Variants in RLN2 observed in about 807,000 individuals in gnomAD.
RLN2 encodes prorelaxin H2.
RLN2 carries 10 observed loss-of-function variants against 7.3 expected under a neutral mutation model. The observed-to-expected ratio is 1.36, with a 90% CI of 0.84 to 2.31. The LOEUF (loss-of-function observed/expected upper bound fraction) is 2.31. Ranked by LOEUF, RLN2 falls within the 30% of genes most tolerant of loss-of-function variation. RLN2 has a pLI of 0.00. For missense variants in RLN2, 298 were observed against 217.6 expected (o/e 1.37, Z -2.32); for synonymous variants, 103 against 82.3 (o/e 1.25, Z -1.36).
chr9:5,314,627 G>A, the RLN2 span, among the ~76,000 whole-genome samples: 3 of 151,994 alleles, frequency 2.0e-5, no homozygotes, highest in Non-Finnish European at 4.4e-5. Context: ...GTAGTACCCT[G>A]CTTTCCTGGA....
At chr9:5,312,226 A>T in the RLN2 span, among the ~76,000 whole-genome samples, 9 of 151,980 alleles carry the variant, frequency 5.9e-5, 1 homozygote, top group African/African-American at 2.2e-4. Flanking sequence ...GTGGTATGGA[A>T]AAACAAATTC....
chr9:5,314,979 C>A, the RLN2 span, among the ~76,000 whole-genome samples: 1 of 152,010 alleles, frequency 6.6e-6, no homozygotes, highest in African/African-American at 2.4e-5. Flanking sequence ...GAGTCAAAGT[C>A]TTTCCCTACT....
At chr9:5,301,086 G>A (rs937860764) in intron 1 of RLN2, among the ~76,000 whole-genome samples, 1 of 152,090 alleles carries the variant, frequency 6.6e-6, no homozygotes, top group African/African-American at 2.4e-5. Context: ...GAGAGAAGTG[G>A]GTTAAAAGAA....
At chr9:5,322,437 C>A in the RLN2 span, among the ~76,000 whole-genome samples, 2 of 151,862 alleles carry the variant, frequency 1.3e-5, no homozygotes, top group South Asian at 4.2e-4. Context: ...ACAAGCAATC[C>A]AAGGAGAGAA....
the RLN2 span, among the ~76,000 whole-genome samples, chr9:5,313,651 A>G: frequency 6.6e-6 from 1 of 152,040 alleles, no homozygotes; most frequent in South Asian, 2.1e-4. Context: ...AGGTTCATTA[A>G]TATATTCATC....
chr9:5,316,011 C>A, the RLN2 span, among the ~76,000 whole-genome samples: 898 of 152,030 alleles, frequency 5.9e-3, 15 homozygotes, highest in African/African-American at 0.02. Context: ...AAGAGAGTAT[C>A]AAATTCACTG....
At chr9:5,313,355 T>A in the RLN2 span, among the ~76,000 whole-genome samples, 29 of 152,012 alleles carry the variant, frequency 1.9e-4, no homozygotes, top group Non-Finnish European at 3.8e-4. Context: ...TTTTTGACAA[T>A]GTCTATTTTT....
the RLN2 span, among the ~76,000 whole-genome samples, chr9:5,321,713 TG>T: frequency 0.25 from 37,522 of 151,104 alleles, 4,931 homozygotes; most frequent in East Asian, 0.4. Flanking sequence ...GTCTGTGGCT[TG>T]GAGGCATCTG....
Position 5,304,495 on chromosome 9 carries a change from T to C in RLN2, c.86A>G (p.Glu29Gly), listed in dbSNP as rs1268411890. The change falls in exon 1 of 2, where the codon GAG (glutamate) becomes GGG (glycine). Residue 29 changes from glutamate to glycine, a missense_variant. Glu to Gly is a moderately conservative substitution (Grantham distance 98, BLOSUM62 -2). Transcript: ENST00000381627. ...GCGGCCGCATAATTTAATAACTTCC[T>C]CCATCCATGAGTCCGCGACTGCTCT... is the stretch of plus-strand genomic sequence containing the variant. ...FSRAVADSWM[E>G]EVIKLCGREL... 2.5e-6 allele frequency: 4 copies of C among 1,613,758 alleles called. No homozygotes were observed. Among genetic ancestry groups the C allele is most frequent in the Non-Finnish European group, 3.4e-6 (4 of 1,179,910 alleles).
Position 5,300,255 on chromosome 9 carries a change from C to T in RLN2, c.401G>A (p.Arg134His), listed in dbSNP as rs61738986. The change falls in exon 2 of 2, where the codon CGC becomes CAC. Residue 134 changes from arginine (R) to histidine (H), a missense_variant. Arg to His is a conservative substitution (Grantham distance 29, BLOSUM62 0). Coordinates refer to ENST00000381627, the MANE Select transcript of RLN2 (RefSeq NM_134441.3). ...LLFEEFKKLI[R>H]NRQSEAADSS... ...GTCTGCGGCTTCACTTTGTCTATTG[C>T]GAATAAGTTTCTTAAATTCTTCAAA... The T allele has an allele frequency of 4.8e-5, 77 of 1,613,748 alleles. No homozygotes were observed. The African/African-American group carries it at 5.3e-4, about 11-fold the overall frequency.
chr9:5,317,443 C>T, the RLN2 span, among the ~76,000 whole-genome samples: 3 of 136,354 alleles, frequency 2.2e-5, no homozygotes, highest in African/African-American at 8.6e-5. Flanking sequence ...CAGAGTGAGA[C>T]TCTGTCTTAA....
the RLN2 span, among the ~76,000 whole-genome samples, chr9:5,317,712 T>C: frequency 3.9e-5 from 6 of 151,910 alleles, no homozygotes; most frequent in South Asian, 1.3e-3. Flanking sequence ...AAGACCAAAA[T>C]TCTAGAGAAA....
the RLN2 span, among the ~76,000 whole-genome samples, chr9:5,328,770 G>GA: frequency 0.76 from 115,554 of 151,778 alleles, 45,033 homozygotes; most frequent in African/African-American, 0.93. Flanking sequence ...CATTCTTAAA[G>GA]AAAGAATTTT....
At chr9:5,317,994 A>ATGCG in the RLN2 span, among the ~76,000 whole-genome samples, 1 of 64,746 alleles carries the variant, frequency 1.5e-5, no homozygotes. Flanking sequence ...TAACAAAACT[A>ATGCG]TGTGTGTGTG....
At chr9:5,320,200 G>T in the RLN2 span, among the ~76,000 whole-genome samples, 1 of 151,544 alleles carries the variant, frequency 6.6e-6, no homozygotes, top group African/African-American at 2.4e-5. Context: ...GGGCCAGGCT[G>T]GTCTCAAACT....
Position 5,304,696 on chromosome 9 carries a change from C to A in RLN2, c.-116G>T, listed in dbSNP as rs558994650. On this transcript the variant is annotated 5_prime_UTR_variant, in exon 1 of 2. Transcript: ENST00000381627. The stretch of plus-strand genomic sequence containing the variant: ...CCCGGGCTTTAGGCTGCTTTCCCTA[C>A]CCGGCTCAAGCGGTCTTTTGTATCC... 311 of 1,068,262 alleles carry A rather than the reference C, an allele frequency of 2.9e-4. 1 individual carries two copies. In the South Asian group the frequency reaches 3.5e-3, roughly 12 times the overall value. 66.2% of individuals were successfully genotyped at this position (1,068,262 alleles called of 1,614,324 possible). A position where few individuals can be genotyped will look rare whatever the true frequency, so the allele number is the denominator to read the frequency against.
At chr9:5,302,086 T>C (rs1348304183) in intron 1 of RLN2, among the ~76,000 whole-genome samples, 1 of 152,202 alleles carries the variant, frequency 6.6e-6, no homozygotes, top group Non-Finnish European at 1.5e-5. Flanking sequence ...TTCTATATAC[T>C]TAAAGCCAGT....
the RLN2 span, among the ~76,000 whole-genome samples, chr9:5,330,079 T>A: frequency 6.6e-6 from 1 of 151,924 alleles, no homozygotes; most frequent in Non-Finnish European, 1.5e-5. Context: ...CACAGTGCAA[T>A]CAAATTAGAA....
the RLN2 span, among the ~76,000 whole-genome samples, chr9:5,321,045 A>G: frequency 6.6e-6 from 1 of 152,106 alleles, no homozygotes; most frequent in Non-Finnish European, 1.5e-5. Context: ...TTCATACTTC[A>G]CAGTAACAAT....
Sources: gnomAD v4.1 joint callset for allele counts (sites outside exome capture counted in the v4.1 genomes callset) on GRCh38, gnomAD v4.1.1 for gene constraint, MANE v1.5 for transcripts, NCBI Gene and HGNC (gene_info 2026-07-23, HGNC 2026-07-21) for gene names.